Variants in FBXL4 observed in about 807,000 individuals in gnomAD.
FBXL4 encodes F-box and leucine rich repeat protein 4, also known as F-box/LRR-repeat protein 4.
Under a neutral mutation model 58.9 loss-of-function variants are expected in FBXL4, and 40 were observed. The observed-to-expected ratio is 0.68, with a 90% CI of 0.53 to 0.88. The LOEUF (loss-of-function observed/expected upper bound fraction) is 0.88. FBXL4 is among the 40% of genes least tolerant of loss of function. The pLI is 0.00. For synonymous variants in FBXL4, 263 were observed against 265.5 expected (o/e 0.99, Z 0.09); for missense variants, 676 against 734.4 (o/e 0.92, Z 0.92).
chr6:98,915,800 A>C (rs1455858692), intron 5 of FBXL4, among the ~76,000 whole-genome samples: 2 of 152,000 alleles, frequency 1.3e-5, no homozygotes, highest in Non-Finnish European at 2.9e-5. Flanking sequence ...CAATGGCAAC[A>C]AAAGCCAAAA....
intron 5 of FBXL4, among the ~76,000 whole-genome samples, chr6:98,913,317 C>A (rs1772179572): frequency 1.3e-5 from 2 of 152,114 alleles, no homozygotes; most frequent in African/African-American, 4.8e-5. Flanking sequence ...AGCTCGGCAT[C>A]AAGCGGACCT....
At chr6:98,905,696 C>T (rs1368593352) in intron 5 of FBXL4, 26 bp from the exon 6 acceptor site, 1 of 1,605,992 alleles carries the variant, frequency 6.2e-7, no homozygotes, top group Non-Finnish European at 8.5e-7. Flanking sequence ...AAACCAAGAT[C>T]ATCAAGAGTG....
intron 7 of FBXL4, among the ~76,000 whole-genome samples, chr6:98,887,213 C>CTG (rs1771071888): frequency 6.6e-6 from 1 of 152,172 alleles, no homozygotes; most frequent in South Asian, 2.1e-4. Flanking sequence ...CTGCAATAAG[C>CTG]TGTGACCATG....
rs371782465 is a variant in FBXL4, at chr6:98,926,852, G to A, written c.137C>T (p.Pro46Leu). ...ATACTGGACTACCTCTGCATTGAGAGGGGAAGTCTGGCTGTTTGATTCTAT... is the reference window on the plus strand; with the variant it reads ...ATACTGGACTACCTCTGCATTGAGAAGGGAAGTCTGGCTGTTTGATTCTAT... ...RAIESNSQTSPLNAEVVQYAK... is the reference protein window; with the variant it reads ...RAIESNSQTSLLNAEVVQYAK... Residue 46 changes from proline (P) to leucine (L), a missense_variant, in exon 4 of 10, where the codon CCT becomes CTT. By Grantham distance (98) the Pro-to-Leu change is moderately conservative. Transcript: ENST00000369244. 16 of 1,614,184 alleles carry A rather than the reference G, an allele frequency of 9.9e-6. No individual in the cohort carries two copies. The African/African-American group carries it at 2.1e-4, about 22-fold the overall frequency.
At chr6:98,938,148 T>C (rs1238134166) in intron 1 of FBXL4, among the ~76,000 whole-genome samples, 1 of 151,958 alleles carries the variant, frequency 6.6e-6, no homozygotes, top group East Asian at 1.9e-4. Flanking sequence ...GAGTTTTCTT[T>C]AGTTTTCTTA....
chr6:98,899,611 G>T (rs1326655961), intron 6 of FBXL4, 130 bp from the exon 7 acceptor site: 16 of 1,159,668 alleles, frequency 1.4e-5, no homozygotes, highest in Non-Finnish European at 1.9e-5. Context: ...TGTAAAATTT[G>T]TTTTGCTTAA....
At chr6:98,921,732 A>C (rs766474786) in intron 4 of FBXL4, among the ~76,000 whole-genome samples, 9 of 152,142 alleles carry the variant, frequency 5.9e-5, no homozygotes, top group Non-Finnish European at 1.0e-4. Context: ...AATTCTATGA[A>C]AGCCTCTTTT....
chr6:98,902,378 C>G (rs1480999399), intron 6 of FBXL4, among the ~76,000 whole-genome samples: 4 of 151,884 alleles, frequency 2.6e-5, no homozygotes, highest in Admixed American at 2.6e-4. Flanking sequence ...TACTATCCAA[C>G]AATGATAGAA....
At chr6:98,883,167 T>C (rs539811650) in intron 7 of FBXL4, among the ~76,000 whole-genome samples, 30 of 152,172 alleles carry the variant, frequency 2.0e-4, no homozygotes, top group African/African-American at 6.3e-4. Context: ...TGCATTAGTA[T>C]GATTACTAGT....
At chr6:98,912,506 A>T (rs1178931880) in intron 5 of FBXL4, among the ~76,000 whole-genome samples, 2 of 152,230 alleles carry the variant, frequency 1.3e-5, no homozygotes, top group Non-Finnish European at 2.9e-5. Flanking sequence ...GCCAGAAGAG[A>T]GTGGGGGCCA....
intron 1 of FBXL4, among the ~76,000 whole-genome samples, chr6:98,942,004 A>C (rs1160345830): frequency 1.8e-4 from 27 of 152,100 alleles, no homozygotes; most frequent in Non-Finnish European, 1.5e-5. Flanking sequence ...CCTAGAGCAC[A>C]TATACAAGAA....
intron 4 of FBXL4, among the ~76,000 whole-genome samples, chr6:98,924,862 G>A (rs1022428412): frequency 7.2e-5 from 11 of 152,288 alleles, no homozygotes; most frequent in Middle Eastern, 3.4e-3. Flanking sequence ...TCCTGCACTG[G>A]CAGCTGGCCA....
intron 5 of FBXL4, among the ~76,000 whole-genome samples, chr6:98,907,925 T>C: frequency 6.6e-6 from 1 of 152,218 alleles, no homozygotes; most frequent in Non-Finnish European, 1.5e-5. Context: ...AGTAATTTAC[T>C]GACTTTCTAA....
At chr6:98,902,387 AAAG>A (rs1248985528) in intron 6 of FBXL4, among the ~76,000 whole-genome samples, 1 of 152,158 alleles carries the variant, frequency 6.6e-6, no homozygotes, top group East Asian at 1.9e-4. Flanking sequence ...ACAATGATAG[AAAG>A]AAGGGAAAAG....
At chr6:98,915,104 A>C (rs1187557388) in intron 5 of FBXL4, among the ~76,000 whole-genome samples, 1 of 152,154 alleles carries the variant, frequency 6.6e-6, no homozygotes, top group African/African-American at 2.4e-5. Context: ...TAGGAATCCA[A>C]CTTACAAGGG....
intron 6 of FBXL4, among the ~76,000 whole-genome samples, chr6:98,904,581 C>G (rs1771728097): frequency 6.6e-6 from 1 of 152,122 alleles, no homozygotes; most frequent in South Asian, 2.1e-4. Context: ...AGAATGTACA[C>G]TGGGGATATG....
At chr6:98,883,717 A>G (rs1770932162) in intron 7 of FBXL4, among the ~76,000 whole-genome samples, 1 of 151,628 alleles carries the variant, frequency 6.6e-6, no homozygotes, top group Admixed American at 6.6e-5. Context: ...CCATATACGC[A>G]TGAGTCTACT....
chr6:98,898,732 T>C, intron 7 of FBXL4: 3 of 984,644 alleles, frequency 3.0e-6, no homozygotes, highest in Non-Finnish European at 3.6e-6. Context: ...TAACATACAC[T>C]ATTACAGTAA....
chr6:98,884,929 G>A (rs965043883), intron 7 of FBXL4, among the ~76,000 whole-genome samples: 8 of 152,188 alleles, frequency 5.3e-5, no homozygotes, highest in African/African-American at 1.9e-4. Flanking sequence ...TCCAGAGGTA[G>A]AGCTTAATTC....
Sources: gnomAD v4.1 joint callset for allele counts (sites outside exome capture counted in the v4.1 genomes callset) on GRCh38, gnomAD v4.1.1 for gene constraint, MANE v1.5 for transcripts, NCBI Gene and HGNC (gene_info 2026-07-23, HGNC 2026-07-21) for gene names.